The following IKZF3 variants were observed in gnomAD, a reference collection of about 807,000 sequenced individuals.
IKZF3 encodes zinc finger protein Aiolos.
In IKZF3, 10 loss-of-function variants were observed where a neutral mutation model predicts 49.0. That is an observed-to-expected ratio of 0.20 (90% CI 0.13 to 0.35). The LOEUF is 0.35. Among genes scored for constraint, IKZF3 ranks in the 10% least tolerant of loss-of-function variants. IKZF3 has a pLI of 1.00. For missense variants in IKZF3, 498 were observed against 664.8 expected, an observed-to-expected ratio of 0.75 and a Z score of 2.76; for synonymous variants, 209 against 228.2, an observed-to-expected ratio of 0.92 and a Z score of 0.76.
At chr17:39,846,111 C>T (rs2062623118) in intron 1 of IKZF3, among the ~76,000 whole-genome samples, 2 of 152,086 alleles carry the variant, frequency 1.3e-5, no homozygotes, top group Admixed American at 1.3e-4. Flanking sequence ...CTTTCCACAA[C>T]TAAATAACCA....
chr17:39,859,272 G>T (rs1474701606), intron 1 of IKZF3, among the ~76,000 whole-genome samples: 1 of 151,390 alleles, frequency 6.6e-6, no homozygotes, highest in African/African-American at 2.4e-5. Flanking sequence ...GTTATACACA[G>T]ATTACTTTTC....
chr17:39,830,747 A>G (rs1407837151), intron 2 of IKZF3, among the ~76,000 whole-genome samples: 2 of 152,226 alleles, frequency 1.3e-5, no homozygotes, highest in Middle Eastern at 3.2e-3. Flanking sequence ...AAAAATAGTC[A>G]AAGACACTGA....
intron 1 of IKZF3, among the ~76,000 whole-genome samples, chr17:39,862,593 C>A (rs1012786605): frequency 6.6e-6 from 1 of 152,110 alleles, no homozygotes; most frequent in Non-Finnish European, 1.5e-5. Flanking sequence ...ATATAATTAA[C>A]CTCTTTTTAA....
intron 1 of IKZF3, chr17:39,835,682 G>T: frequency 2.2e-6 from 1 of 459,662 alleles, no homozygotes. Context: ...CCACAGATGT[G>T]TCCAAGATCT....
rs566246513 is a variant in IKZF3, at chr17:39,860,253, A to T, written c.7+3867T>A. Among the ~76,000 whole-genome samples the T allele has an allele frequency of 8.4e-4, 127 of 152,092 alleles. 1 individual carries two copies. Among genetic ancestry groups the T allele is most frequent in the South Asian group, 3.3e-3 (16 of 4,814 alleles). On this transcript the variant is annotated intron_variant, in intron 1 of 7. Transcript: ENST00000346872. ...ACTATCTCTTTAAAAATAATAATAA[A>T]AAAAAAAAACTGGATGTCTGATAAA...
At chr17:39,814,959 T>C (rs2061645438) in intron 3 of IKZF3, among the ~76,000 whole-genome samples, 1 of 152,038 alleles carries the variant, frequency 6.6e-6, no homozygotes, top group Non-Finnish European at 1.5e-5. Context: ...GGTATCGAGG[T>C]ATCGTGTGTA....
chr17:39,817,811 T>G (rs2061711147), intron 3 of IKZF3, among the ~76,000 whole-genome samples: 1 of 152,210 alleles, frequency 6.6e-6, no homozygotes. Context: ...TGACCCAGAT[T>G]AAGTGCCAGT....
chr17:39,783,545 C>T (rs976683620), intron 6 of IKZF3, among the ~76,000 whole-genome samples: 11 of 152,148 alleles, frequency 7.2e-5, no homozygotes, highest in African/African-American at 2.7e-4. Context: ...TGTTCTGGAA[C>T]TCCTGACCTC....
chr17:39,768,394 G>A (rs1032363383), intron 7 of IKZF3, among the ~76,000 whole-genome samples: 1 of 152,168 alleles, frequency 6.6e-6, no homozygotes, highest in South Asian at 2.1e-4. Context: ...GGGACTACAC[G>A]GGACGTGTGC....
In IKZF3 at chr17:39,759,170, C is replaced by G. The variant is rs767716893; in HGVS notation, c.*6620G>C. 5 of 152,128 alleles carry G rather than the reference C, an allele frequency of 3.3e-5. No individual in the cohort carries two copies. The highest frequency in any genetic ancestry group is 1.2e-4 in the African/African-American group (5 of 41,392). The allele number at this position is 152,128 out of a possible 1,614,324, so 9.4% of individuals were successfully genotyped here. A position where few individuals can be genotyped will look rare whatever the true frequency, so the allele number is the denominator to read the frequency against. On this transcript the variant is annotated 3_prime_UTR_variant, in exon 8 of 8. Coordinates refer to ENST00000346872, the MANE Select transcript of IKZF3 (RefSeq NM_012481.5). ...GTGCCTCACGCCTGTAACCCCAACA[C>G]TTTGGGAGGCTGAGGTGGGCAGATT...
intron 7 of IKZF3, among the ~76,000 whole-genome samples, chr17:39,766,923 CTTG>C (rs970463661): frequency 5.9e-5 from 9 of 152,050 alleles, no homozygotes; most frequent in African/African-American, 2.2e-4. Flanking sequence ...TTTGCTTTTG[CTTG>C]TTATTTTCTG....
intron 3 of IKZF3, among the ~76,000 whole-genome samples, chr17:39,811,326 AGAAAGAAAGAAAGAAAGG>A (rs1251759543): frequency 1.4e-5 from 2 of 144,136 alleles, no homozygotes; most frequent in Non-Finnish European, 3.2e-5. Context: ...AAGGAAAGAA[AGAAAGAAAGAAAGAAAGG>A]GAAAGAAAGA....
intron 3 of IKZF3, 92 bp downstream of exon 3, chr17:39,829,295 G>C (rs1449539355): frequency 3.6e-6 from 3 of 834,756 alleles, no homozygotes; most frequent in Non-Finnish European, 5.9e-6. Flanking sequence ...ACCTACAATT[G>C]CAAGTTTTCC....
intron 1 of IKZF3, among the ~76,000 whole-genome samples, chr17:39,859,095 C>T (rs946107763): frequency 1.3e-5 from 2 of 151,756 alleles, no homozygotes; most frequent in African/African-American, 4.8e-5. Context: ...AGGTGTGAGC[C>T]ACTGTGCCCA....
chr17:39,856,045 A>ATTGTATATGTACAATATAACATGTATG (rs1290693153), intron 1 of IKZF3, among the ~76,000 whole-genome samples: 3 of 134,208 alleles, frequency 2.2e-5, no homozygotes, highest in African/African-American at 9.4e-5. Context: ...TAACATGTAT[A>ATTGTATATGTACAATATAACATGTATG]TTGTATATGT....
chr17:39,830,817 C>T (rs2062089274), intron 2 of IKZF3, among the ~76,000 whole-genome samples: 1 of 152,210 alleles, frequency 6.6e-6, no homozygotes. Context: ...TGCAGTGGCA[C>T]TCCTTTCAGC....
chr17:39,862,759 C>T (rs1477033971), intron 1 of IKZF3, among the ~76,000 whole-genome samples: 3 of 152,116 alleles, frequency 2.0e-5, no homozygotes, highest in African/African-American at 4.8e-5. Flanking sequence ...TTAAATTCTA[C>T]ACAAGTTTTC....
rs2060165581 is a variant in IKZF3, at chr17:39,760,784, G to C, written c.*5006C>G. On this transcript the variant is annotated 3_prime_UTR_variant, in exon 8 of 8. Coordinates refer to ENST00000346872, the MANE Select transcript of IKZF3 (RefSeq NM_012481.5). ...GAAAAGAAAAACTTTATGTGGATGT[G>C]AGATTTGATAGTAACACAGTGTTTC... is the stretch of plus-strand genomic sequence containing the variant. The C allele has an allele frequency of 6.6e-6, 1 of 152,252 alleles. No homozygotes were observed. Among genetic ancestry groups the C allele is most frequent in the Admixed American group, 6.5e-5 (1 of 15,286 alleles). 9.4% of individuals were successfully genotyped at this position (152,252 alleles called of 1,614,324 possible).
intron 3 of IKZF3, among the ~76,000 whole-genome samples, chr17:39,824,679 A>G (rs962247482): frequency 6.6e-6 from 1 of 150,376 alleles, no homozygotes; most frequent in Non-Finnish European, 1.5e-5. Flanking sequence ...GTGAGTTCTC[A>G]TAAGATCTGA....
Sources: gnomAD v4.1 joint callset for allele counts (sites outside exome capture counted in the v4.1 genomes callset) on GRCh38, gnomAD v4.1.1 for gene constraint, MANE v1.5 for transcripts, NCBI Gene and HGNC (gene_info 2026-07-23, HGNC 2026-07-21) for gene names.